Variants in ATXN7L1 observed in about 807,000 individuals in gnomAD.
ATXN7L1 encodes the protein ataxin-7-like protein 1.
ATXN7L1 carries 15 observed loss-of-function variants against 70.8 expected under a neutral mutation model. The observed-to-expected ratio is 0.21, with a 90% CI of 0.14 to 0.33. The LOEUF (loss-of-function observed/expected upper bound fraction) is 0.33, where lower values mean the gene tolerates loss of function less well. Ranked by LOEUF, ATXN7L1 falls within the 10% of genes least tolerant of loss-of-function variation. The pLI, the probability that ATXN7L1 is intolerant of heterozygous loss-of-function variation, is 1.00. For synonymous variants in ATXN7L1, 440 were observed against 445.1 expected (o/e 0.99, Z 0.14); for missense variants, 975 against 1,097.1 (o/e 0.89, Z 1.57).
At chr7:105,875,626 T>TTCCC (rs146310508) in intron 2 of ATXN7L1, among the ~76,000 whole-genome samples, 186 bp downstream of exon 2, 21 of 59,508 alleles carry the variant, frequency 3.5e-4, no homozygotes, top group East Asian at 2.6e-3. Flanking sequence ...CACCCCCCTT[T>TTCCC]ACCCCCCCCC....
chr7:105,696,932 G>C (rs750773985), intron 3 of ATXN7L1, among the ~76,000 whole-genome samples: 4 of 152,186 alleles, frequency 2.6e-5, no homozygotes, highest in Non-Finnish European at 5.9e-5. Context: ...GACATCACAC[G>C]TTGGTAGGAT....
intron 2 of ATXN7L1, among the ~76,000 whole-genome samples, chr7:105,858,082 T>TTGGTG (rs1472478937): frequency 6.6e-6 from 1 of 151,546 alleles, no homozygotes; most frequent in Non-Finnish European, 1.5e-5. Flanking sequence ...AAATAAAAAG[T>TTGGTG]TGGTGTGGTG....
At chr7:105,834,469 TCAA>T (rs1203894652) in intron 2 of ATXN7L1, among the ~76,000 whole-genome samples, 3 of 152,354 alleles carry the variant, frequency 2.0e-5, no homozygotes, top group Middle Eastern at 3.4e-3. Context: ...TACACTTTTA[TCAA>T]CAACAGAGTA....
At chr7:105,625,554 A>G (rs1795579681) in intron 7 of ATXN7L1, among the ~76,000 whole-genome samples, 1 of 152,162 alleles carries the variant, frequency 6.6e-6, no homozygotes, top group Non-Finnish European at 1.5e-5. Flanking sequence ...CCCAGCTTCA[A>G]TTTACTTTTT....
chr7:105,706,200 C>CT lies in ATXN7L1; in HGVS notation c.356-40913dup, dbSNP rs368132326. On this transcript the variant is annotated intron_variant, in intron 3 of 11. Transcript: ENST00000419735. Reference sequence around the variant, plus strand: ...TTTTGTTTTTTGTTTTTGTTTTTGTCTTTTTTTTTTTGAGATGGAGTATCG... The same window carrying CT: ...TTTTGTTTTTTGTTTTTGTTTTTGTCTTTTTTTTTTTTGAGATGGAGTATCG... Among the ~76,000 whole-genome samples, 377 of 145,876 alleles carry CT rather than the reference C, an allele frequency of 2.6e-3. 4 individuals carry two copies. Among genetic ancestry groups the CT allele is most frequent in the African/African-American group, 7.6e-3 (303 of 40,036 alleles).
rs758355836 is a variant in ATXN7L1 at position 105,803,097 on chromosome 7, T to C, written c.251-14389A>G. ...TTGTCCCACATCTACTTTCTACCCC[T>C]GTGTCAAATCCGTCAGCCAGCCAAC... On this transcript the variant is annotated intron_variant, in intron 2 of 11. Coordinates refer to ENST00000419735, the MANE Select transcript of ATXN7L1 (RefSeq NM_020725.2). Among the ~76,000 whole-genome samples the C allele has an allele frequency of 1.1e-4, 16 of 152,188 alleles. No homozygotes were observed. In the Middle Eastern group the frequency reaches 0.01, roughly 97 times the overall value.
At chr7:105,846,913 C>T (rs904107087) in intron 2 of ATXN7L1, among the ~76,000 whole-genome samples, 2 of 152,096 alleles carry the variant, frequency 1.3e-5, no homozygotes, top group African/African-American at 4.8e-5. Flanking sequence ...CTGGGCAATC[C>T]ATAGAGACAG....
chr7:105,758,357 C>T (rs1347619049), intron 3 of ATXN7L1, among the ~76,000 whole-genome samples: 2 of 152,212 alleles, frequency 1.3e-5, no homozygotes, highest in African/African-American at 4.8e-5. Flanking sequence ...CATGATTATA[C>T]CCATTTTCCA....
chr7:105,617,713 C>T (rs1794118036), intron 9 of ATXN7L1: 1 of 352,034 alleles, frequency 2.8e-6, no homozygotes, highest in African/African-American at 2.1e-5. Flanking sequence ...AAGTCCCACA[C>T]TAAAGCCCAC....
intron 10 of ATXN7L1, among the ~76,000 whole-genome samples, 156 bp from the exon 11 acceptor site, chr7:105,610,759 A>G (rs1223707130): frequency 6.6e-5 from 10 of 152,216 alleles, no homozygotes; most frequent in Non-Finnish European, 1.5e-4. Context: ...AGTGGCAGAG[A>G]AAATGAAAAT....
At chr7:105,647,878 T>C (rs1799281285) in intron 4 of ATXN7L1, among the ~76,000 whole-genome samples, 1 of 152,184 alleles carries the variant, frequency 6.6e-6, no homozygotes, top group Non-Finnish European at 1.5e-5. Flanking sequence ...CTAATGTCTG[T>C]GACTGTCTCC....
chr7:105,723,633 G>A (rs542505329), intron 3 of ATXN7L1, among the ~76,000 whole-genome samples: 35 of 152,186 alleles, frequency 2.3e-4, no homozygotes, highest in Non-Finnish European at 3.2e-4. Flanking sequence ...GCCCCTGTAT[G>A]TGCACTTTGT....
rs551945042 is a variant in ATXN7L1, at chr7:105,741,604, C to T, written c.355+47000G>A. ...GGATCGGCCAGCTGGAAGGCAGTGT[C>T]AGCAATTCAGACATGGGTGGAGGAA... On this transcript the variant is annotated intron_variant, in intron 3 of 11. Transcript: ENST00000419735. Among the ~76,000 whole-genome samples, 23 of 152,242 alleles carry T rather than the reference C, an allele frequency of 1.5e-4. No homozygotes were observed. The South Asian group carries it at 2.3e-3, about 15-fold the overall frequency.
intron 2 of ATXN7L1, among the ~76,000 whole-genome samples, chr7:105,841,158 G>A (rs1042174921): frequency 6.6e-6 from 1 of 152,184 alleles, no homozygotes. Context: ...AATGGCATTG[G>A]ATCCCACAAC....
chr7:105,685,390 G>C (rs1020959468), intron 3 of ATXN7L1, among the ~76,000 whole-genome samples: 1 of 152,212 alleles, frequency 6.6e-6, no homozygotes, highest in Non-Finnish European at 1.5e-5. Context: ...CATTGGCAGA[G>C]ACCTCCCTGT....
chr7:105,665,107 C>T lies in ATXN7L1; in HGVS notation c.537G>A (p.Gln179=), dbSNP rs371416101. ...KDNLLTSSSK[Q]HTVFPAKGSR... is the part of the protein sequence containing the mutation. ...ATCCTTTCGCAGGAAAGACTGTGTG[C>T]TGTTTGCTGCTGGAGGTAAGTAGAT... The change falls in exon 4 of 12, where the codon CAG becomes CAA. Residue 179 remains glutamine, a synonymous_variant. Coordinates refer to ENST00000419735, the MANE Select transcript of ATXN7L1 (RefSeq NM_020725.2). 9.0e-6 allele frequency: 14 copies of T among 1,551,456 alleles called. No individual in the cohort carries two copies. In the African/African-American group the frequency reaches 1.9e-4, roughly 21 times the overall value.
intron 5 of ATXN7L1, 52 bp downstream of exon 5, chr7:105,642,786 G>T: frequency 6.7e-7 from 1 of 1,495,432 alleles, no homozygotes. Context: ...TTATGGCTGC[G>T]ACTCCCTTTC....
chr7:105,819,613 T>C, intron 2 of ATXN7L1: 1 of 877,984 alleles, frequency 1.1e-6, no homozygotes, highest in Non-Finnish European at 1.9e-6. Context: ...TGTGAGGGCA[T>C]CATCATTTCT....
chr7:105,866,404 C>T (rs929403102), intron 2 of ATXN7L1, among the ~76,000 whole-genome samples: 2 of 152,100 alleles, frequency 1.3e-5, no homozygotes, highest in African/African-American at 4.8e-5. Flanking sequence ...GTTGAGAAAC[C>T]ACAGGTACAA....
Sources: allele counts gnomAD v4.1 joint callset (sites outside exome capture counted in the v4.1 genomes callset), GRCh38; gene constraint gnomAD v4.1.1; transcripts MANE v1.5; gene names NCBI Gene and HGNC (gene_info 2026-07-23, HGNC 2026-07-21).